The following RAB31 variants were observed in gnomAD, a reference collection of about 807,000 sequenced individuals.
RAB31 encodes ras-related protein Rab-31.
Under a neutral mutation model 25.6 loss-of-function variants are expected in RAB31, and 21 were observed. That is an observed-to-expected ratio of 0.82 (90% CI 0.58 to 1.18). The LOEUF (loss-of-function observed/expected upper bound fraction) is 1.18. Ranked by LOEUF, RAB31 falls within the 50% of genes most tolerant of loss-of-function variation. The pLI is 0.00. For synonymous variants in RAB31, 87 were observed against 84.0 expected (o/e 1.04, Z -0.20); for missense variants, 196 against 250.1 (o/e 0.78, Z 1.46).
chr18:9,804,901 G>A (rs879722739), intron 3 of RAB31, among the ~76,000 whole-genome samples: 6 of 152,200 alleles, frequency 3.9e-5, no homozygotes, highest in Non-Finnish European at 7.3e-5. Context: ...AGTTGTTGCT[G>A]TAACAGATTG....
chr18:9,715,528 C>CTTTTTTT (rs1161797158), intron 1 of RAB31, among the ~76,000 whole-genome samples: 1 of 128,196 alleles, frequency 7.8e-6, no homozygotes, highest in African/African-American at 2.9e-5. Context: ...CTCTCTCTCT[C>CTTTTTTT]TTTTTTTTTT....
intron 1 of RAB31, among the ~76,000 whole-genome samples, chr18:9,757,497 G>A (rs1208081317): frequency 6.6e-6 from 1 of 152,242 alleles, no homozygotes; most frequent in Non-Finnish European, 1.5e-5. Context: ...GTAATGCCCA[G>A]TCTTTACTTC....
At chr18:9,824,485 A>T (rs2068640422) in intron 5 of RAB31, among the ~76,000 whole-genome samples, 1 of 151,868 alleles carries the variant, frequency 6.6e-6, no homozygotes, top group South Asian at 2.1e-4. Flanking sequence ...GGTGGAACTG[A>T]TCTCATCCAA....
chr18:9,841,898 CAGAT>C (rs1185896659), intron 5 of RAB31, among the ~76,000 whole-genome samples: 2 of 152,142 alleles, frequency 1.3e-5, no homozygotes, highest in Admixed American at 6.5e-5. Context: ...CTCAGAAGGT[CAGAT>C]AACTACTTAG....
rs189583069 is a variant in RAB31 at position 9,832,558 on chromosome 18, C to T, written c.381-13024C>T. Among the ~76,000 whole-genome samples the T allele has an allele frequency of 2.6e-5, 4 of 152,310 alleles. No individual in the cohort carries two copies. The East Asian group carries it at 7.7e-4, about 30-fold the overall frequency. Reference sequence around the variant, plus strand: ...GGAGGAGAAGAAGGAAAGGCCAGAGCAGGCAGGGGCAGGAGTGGAACGGGC... The same window carrying T: ...GGAGGAGAAGAAGGAAAGGCCAGAGTAGGCAGGGGCAGGAGTGGAACGGGC... On this transcript the variant is annotated intron_variant, in intron 5 of 6. Coordinates refer to ENST00000578921, the MANE Select transcript of RAB31 (RefSeq NM_006868.4).
chr18:9,708,316 G>A lies in RAB31; in HGVS notation c.-90G>A. The A allele has an allele frequency of 2.1e-6, 2 of 967,264 alleles. No individual in the cohort carries two copies. The highest frequency in any genetic ancestry group is 4.3e-5 in the South Asian group (1 of 23,068). The allele number at this position is 967,264 out of a possible 1,614,324, so 59.9% of individuals were successfully genotyped here. On this transcript the variant is annotated 5_prime_UTR_variant, in exon 1 of 7. Coordinates refer to ENST00000578921, the MANE Select transcript of RAB31 (RefSeq NM_006868.4). The surrounding 1 kb of genome is among the most constrained non-coding windows in gnomAD (Gnocchi z 6.4). Reference sequence around the variant, plus strand: ...GGTTCCGCCCGCGGGCGGCGCGAGCGAGGGGCAGAGGCGAGAGACGCCGGC... The same window carrying A: ...GGTTCCGCCCGCGGGCGGCGCGAGCAAGGGGCAGAGGCGAGAGACGCCGGC...
intron 1 of RAB31, among the ~76,000 whole-genome samples, chr18:9,759,420 C>G (rs1260431389): frequency 6.6e-6 from 1 of 151,964 alleles, no homozygotes; most frequent in East Asian, 1.9e-4. Flanking sequence ...AACCTCCCAC[C>G]TCAGCCTCCC....
At chr18:9,767,674 G>A (rs1189718094) in intron 1 of RAB31, among the ~76,000 whole-genome samples, 9 of 152,058 alleles carry the variant, frequency 5.9e-5, no homozygotes, top group Admixed American at 2.0e-4. Flanking sequence ...TTAAGTAGTC[G>A]CGATCTATTT....
intron 1 of RAB31, among the ~76,000 whole-genome samples, chr18:9,742,486 C>G (rs1037039260): frequency 6.6e-6 from 1 of 152,200 alleles, no homozygotes; most frequent in Admixed American, 6.5e-5. Context: ...CTGCTTGGCT[C>G]GGCCTGTTTC....
intron 6 of RAB31, among the ~76,000 whole-genome samples, chr18:9,852,993 G>A (rs973716838): frequency 6.6e-6 from 1 of 152,138 alleles, no homozygotes; most frequent in Non-Finnish European, 1.5e-5. Context: ...GTAATGTTGA[G>A]TGTCTTTTCA....
intron 2 of RAB31, among the ~76,000 whole-genome samples, chr18:9,781,585 A>G (rs78209878): frequency 0.04 from 6,081 of 152,320 alleles, 327 homozygotes; most frequent in African/African-American, 0.13. Flanking sequence ...AGGAGTTTAC[A>G]GGCGTGAGCC....
chr18:9,737,733 G>A (rs1370981732), intron 1 of RAB31, among the ~76,000 whole-genome samples: 3 of 152,210 alleles, frequency 2.0e-5, no homozygotes, highest in Non-Finnish European at 2.9e-5. Flanking sequence ...GCAGGCTAGA[G>A]CAAATTGTCC....
intron 1 of RAB31, among the ~76,000 whole-genome samples, chr18:9,717,767 G>C (rs911294382): frequency 1.3e-5 from 2 of 152,176 alleles, no homozygotes; most frequent in African/African-American, 2.4e-5. Context: ...CATAAAATTT[G>C]CCCACTGCTG....
chr18:9,810,722 T>G (rs918733840), intron 3 of RAB31, among the ~76,000 whole-genome samples: 7 of 152,218 alleles, frequency 4.6e-5, no homozygotes, highest in African/African-American at 7.2e-5. Context: ...TAAAGTGAAC[T>G]CTCTCTGTCT....
chr18:9,835,569 GC>G (rs2068699986), intron 5 of RAB31, among the ~76,000 whole-genome samples: 1 of 152,250 alleles, frequency 6.6e-6, no homozygotes, highest in Admixed American at 6.5e-5. Context: ...CAGGTGAATA[GC>G]AGTTAAGGAC....
chr18:9,857,678 TAGATAGATGATA>T (rs1421531372), intron 6 of RAB31, among the ~76,000 whole-genome samples: 79 of 123,328 alleles, frequency 6.4e-4, no homozygotes, highest in Middle Eastern at 4.3e-3. Flanking sequence ...GATAGATAGA[TAGATAGATGATA>T]GATAGATAGA....
At chr18:9,854,848 T>C (rs2068807836) in intron 6 of RAB31, among the ~76,000 whole-genome samples, 1 of 152,160 alleles carries the variant, frequency 6.6e-6, no homozygotes, top group South Asian at 2.1e-4. Flanking sequence ...TACTGCCAAG[T>C]CCTAGCAAAC....
chr18:9,828,665 C>T (rs546913477), intron 5 of RAB31, among the ~76,000 whole-genome samples: 4 of 152,292 alleles, frequency 2.6e-5, no homozygotes, highest in Middle Eastern at 3.4e-3. Flanking sequence ...TTCATCTCTT[C>T]CATGTGACTC....
intron 1 of RAB31, among the ~76,000 whole-genome samples, chr18:9,724,470 T>A (rs1303112731): frequency 6.6e-6 from 1 of 152,198 alleles, no homozygotes; most frequent in Non-Finnish European, 1.5e-5. Context: ...TTTGTGCTTA[T>A]GAACAAAGTA....
Sources: allele counts gnomAD v4.1 joint callset (sites outside exome capture counted in the v4.1 genomes callset), GRCh38; gene constraint gnomAD v4.1.1; non-coding constraint Gnocchi (gnomAD v3.1); transcripts MANE v1.5; gene names NCBI Gene and HGNC (gene_info 2026-07-23, HGNC 2026-07-21).